MYO6: variants seen among roughly 807,000 people sequenced by gnomAD.
The protein encoded by MYO6 is myosin VI.
MYO6 carries 74 observed loss-of-function variants against 178.7 expected under a neutral mutation model. The observed-to-expected ratio is 0.41, with a 90% CI of 0.34 to 0.50. MYO6 has a LOEUF of 0.50. Ranked by LOEUF, MYO6 falls within the 20% of genes least tolerant of loss-of-function variation. The pLI, the probability that MYO6 is intolerant of heterozygous loss-of-function variation, is 0.09. For synonymous variants in MYO6, 477 were observed against 504.6 expected (o/e 0.95, Z 0.73); for missense variants, 1,330 against 1,547.4 (o/e 0.86, Z 2.36).
At chr6:75,842,011 A>G (rs1192799610) in intron 9 of MYO6, among the ~76,000 whole-genome samples, 3 of 152,242 alleles carry the variant, frequency 2.0e-5, no homozygotes, top group African/African-American at 7.2e-5. Context: ...ACTTATCTGT[A>G]AAAATGTTTG....
At chr6:75,770,331 A>G (rs953799251) in intron 1 of MYO6, among the ~76,000 whole-genome samples, 2 of 152,222 alleles carry the variant, frequency 1.3e-5, no homozygotes, top group Non-Finnish European at 1.5e-5. Flanking sequence ...ACCAACACAG[A>G]GAGATTGTTA....
intron 1 of MYO6, among the ~76,000 whole-genome samples, chr6:75,808,062 T>A (rs929790107): frequency 1.3e-5 from 2 of 152,210 alleles, no homozygotes; most frequent in Non-Finnish European, 2.9e-5. Flanking sequence ...TCTATTATTA[T>A]GTTGTTAAAG....
chr6:75,755,763 C>T (rs922181909), intron 1 of MYO6, among the ~76,000 whole-genome samples: 2 of 152,136 alleles, frequency 1.3e-5, no homozygotes, highest in African/African-American at 4.8e-5. Context: ...GTGTCTACCA[C>T]GGACCAGGCA....
At chr6:75,873,074 T>G in intron 19 of MYO6, 133 bp from the exon 20 acceptor site, 13 of 752,522 alleles carry the variant, frequency 1.7e-5, no homozygotes, top group Non-Finnish European at 3.0e-5. Flanking sequence ...CTCCCAGCCT[T>G]GAGTTCTTTA....
intron 30 of MYO6, among the ~76,000 whole-genome samples, chr6:75,903,555 C>CT (rs1018685733): frequency 1.3e-5 from 2 of 151,808 alleles, no homozygotes; most frequent in East Asian, 1.9e-4. Context: ...CAACCCCTGC[C>CT]TTTTTTTTGT....
intron 1 of MYO6, among the ~76,000 whole-genome samples, chr6:75,805,021 ATTTT>A (rs58697772): frequency 1.3e-5 from 1 of 77,312 alleles, no homozygotes; most frequent in Non-Finnish European, 2.0e-5. Context: ...ATATATATAT[ATTTT>A]TTTTTTTTTT....
At chr6:75,905,097 C>T (rs1449256423) in intron 30 of MYO6, among the ~76,000 whole-genome samples, 1 of 152,208 alleles carries the variant, frequency 6.6e-6, no homozygotes, top group Non-Finnish European at 1.5e-5. Flanking sequence ...AGATCTCCAG[C>T]TGCGTCCTGG....
intron 30 of MYO6, among the ~76,000 whole-genome samples, chr6:75,903,402 G>C (rs964474580): frequency 2.0e-5 from 3 of 151,554 alleles, no homozygotes; most frequent in Admixed American, 2.0e-4. Context: ...TTATGAATCT[G>C]GGTGCTCCTG....
intron 10 of MYO6, among the ~76,000 whole-genome samples, chr6:75,847,653 T>C (rs549475621): frequency 2.2e-4 from 33 of 152,152 alleles, no homozygotes; most frequent in African/African-American, 7.9e-4. Context: ...AGAGTAAGTA[T>C]AATGCTTACT....
rs183690942 is a variant in MYO6 at position 75,866,600 on chromosome 6, G to T, written c.1749G>T (p.Ala583=). The T allele has an allele frequency of 1.1e-5, 17 of 1,613,836 alleles. No individual in the cohort carries two copies. In the Admixed American group the frequency reaches 2.8e-4, roughly 27 times the overall value. The change falls in exon 17 of 35, where the codon GCG becomes GCT. Residue 583 remains alanine (A), a synonymous_variant. Transcript: ENST00000369977. ...DDEGFIIRHF[A]GAVCYETTQF... is the part of the protein sequence containing the mutation. ...AAGGCTTCATTATCAGGCATTTTGC[G>T]GGGGCAGTGTGCTATGAAACAGTGA... is the stretch of plus-strand genomic sequence containing the variant.
At chr6:75,852,174 A>G (rs896386699) in intron 11 of MYO6, among the ~76,000 whole-genome samples, 4 of 152,050 alleles carry the variant, frequency 2.6e-5, no homozygotes, top group Admixed American at 2.6e-4. Flanking sequence ...GCGATATAGT[A>G]AAAAAGAAGA....
chr6:75,813,226 A>AG (rs1322181794), intron 1 of MYO6, among the ~76,000 whole-genome samples: 1 of 152,126 alleles, frequency 6.6e-6, no homozygotes. Context: ...TCTGAAGCTG[A>AG]GCTGGCACCC....
At chr6:75,907,335 G>T (rs1185009636) in intron 30 of MYO6, among the ~76,000 whole-genome samples, 1 of 152,172 alleles carries the variant, frequency 6.6e-6, no homozygotes, top group African/African-American at 2.4e-5. Context: ...TGAAACTGAA[G>T]TCTGGGGGAA....
intron 1 of MYO6, among the ~76,000 whole-genome samples, chr6:75,752,289 G>T (rs2149947677): frequency 1.3e-5 from 2 of 152,266 alleles, no homozygotes; most frequent in Middle Eastern, 3.4e-3. Context: ...GTTTAATTAT[G>T]ATACCCATAA....
intron 31 of MYO6, 86 bp downstream of exon 31, chr6:75,907,794 A>T (rs12193523): frequency 1.3e-6 from 1 of 750,494 alleles, no homozygotes; most frequent in South Asian, 1.5e-5. Context: ...GTGTGTGTGT[A>T]TGTGTGTGTG....
In MYO6 at chr6:75,895,762, C is replaced by T. The variant is rs1006704079; in HGVS notation, c.3137+502C>T. On this transcript the variant is annotated intron_variant, in intron 29 of 34. Transcript: ENST00000369977. ...CAATCTCTTGACCTCGTGATCCACC[C>T]GCCTCGGCCTCCCAAAGTGCTGGGA... 7.2e-5 allele frequency among the ~76,000 whole-genome samples: 11 copies of T among 152,116 alleles called. No homozygotes were observed. In the South Asian group the frequency reaches 1.0e-3, roughly 14 times the overall value.
chr6:75,905,393 A>G (rs1439267091), intron 30 of MYO6, among the ~76,000 whole-genome samples: 1 of 152,200 alleles, frequency 6.6e-6, no homozygotes, highest in African/African-American at 2.4e-5. Context: ...GGACCCTCCG[A>G]GCCATGTGCG....
chr6:75,895,201 G>A lies in MYO6; in HGVS notation c.3108-30G>A, dbSNP rs759504342. 8 of 1,557,578 alleles carry A rather than the reference G, an allele frequency of 5.1e-6. No individual in the cohort carries two copies. The East Asian group carries it at 6.8e-5, about 13-fold the overall frequency. ...ATTTTCACAGTTCACAATTGGTTAC[G>A]ATATTAACTAAAATATATTCTTTTC... is the stretch of plus-strand genomic sequence containing the variant. On this transcript the variant is annotated intron_variant, in intron 28 of 34. Coordinates refer to ENST00000369977, the MANE Select transcript of MYO6 (RefSeq NM_004999.4).
At chr6:75,777,180 A>G (rs1210535870) in intron 1 of MYO6, among the ~76,000 whole-genome samples, 2 of 152,192 alleles carry the variant, frequency 1.3e-5, no homozygotes, top group African/African-American at 2.4e-5. Context: ...TGAGAAAAGT[A>G]TCTCATTGTT....
Sources: allele counts gnomAD v4.1 joint callset (sites outside exome capture counted in the v4.1 genomes callset), GRCh38; gene constraint gnomAD v4.1.1; transcripts MANE v1.5; gene names NCBI Gene and HGNC (gene_info 2026-07-23, HGNC 2026-07-21).